Variants in ABI3BP observed in about 807,000 individuals in gnomAD.
The protein encoded by ABI3BP is target of Nesh-SH3.
A neutral mutation model predicts 268.6 loss-of-function variants in ABI3BP; 216 were observed. That is an observed-to-expected ratio of 0.80 (90% confidence interval 0.72 to 0.90). The LOEUF (loss-of-function observed/expected upper bound fraction) is 0.90. Ranked by LOEUF, ABI3BP falls within the 40% of genes least tolerant of loss-of-function variation. The pLI is 0.00. For missense variants in ABI3BP, 2,090 were observed against 2,182.4 expected, an observed-to-expected ratio of 0.96 and a Z score of 0.84; for synonymous variants, 730 against 730.0, an observed-to-expected ratio of 1.00 and a Z score of 0.00.
intron 1 of ABI3BP, among the ~76,000 whole-genome samples, chr3:100,958,559 ACTT>A (rs2077652975): frequency 6.6e-6 from 1 of 152,222 alleles, no homozygotes. Context: ...AAAACATTGA[ACTT>A]CTGGTTTCCA....
In ABI3BP at chr3:100,842,563, T is replaced by C. The variant is rs530719579; in HGVS notation, c.1724-524A>G. ...TGCCTCCTGTATTCACTAGTATCTA[T>C]CGCTGGTAAACAAATTGGTTCACAT... On this transcript the variant is annotated intron_variant, in intron 20 of 67. Coordinates refer to ENST00000471714, the MANE Select transcript of ABI3BP (RefSeq NM_001375547.2). 3.3e-5 allele frequency among the ~76,000 whole-genome samples: 5 copies of C among 152,338 alleles called. No homozygotes were observed. In the South Asian group the frequency reaches 1.0e-3, roughly 32 times the overall value.
chr3:100,947,856 G>GA (rs1431554104), intron 1 of ABI3BP, among the ~76,000 whole-genome samples: 3 of 152,136 alleles, frequency 2.0e-5, no homozygotes, highest in African/African-American at 4.8e-5. Context: ...ACACTAGAGG[G>GA]AAAATCAAAG....
intron 2 of ABI3BP, chr3:100,911,389 T>G (rs935380720): frequency 3.8e-6 from 1 of 263,270 alleles, no homozygotes. Context: ...TTAGATATTC[T>G]TCTCTCAGGC....
chr3:100,771,182 C>T (rs531493729), intron 61 of ABI3BP, among the ~76,000 whole-genome samples: 28 of 152,120 alleles, frequency 1.8e-4, no homozygotes, highest in Admixed American at 9.2e-4. Flanking sequence ...TGCTAATATC[C>T]GAAAGTAATT....
At chr3:100,856,478 T>A (rs546056291) in intron 14 of ABI3BP, among the ~76,000 whole-genome samples, 2 of 152,342 alleles carry the variant, frequency 1.3e-5, no homozygotes, top group East Asian at 3.9e-4. Context: ...ACAAGATAAC[T>A]GTATATGATT....
Position 100,993,328 on chromosome 3 carries a change from T to A in ABI3BP, c.57A>T (p.Gly19=). The change falls in exon 1 of 68, where the codon GGA becomes GGT. Residue 19 remains glycine (G), a synonymous_variant. Coordinates refer to ENST00000471714, the MANE Select transcript of ABI3BP (RefSeq NM_001375547.2). ...LLCGSITLAL[G]NAQKLPKGKR... ...TGCCTTTTGGCAATTTCTGTGCATT[T>A]CCCAGGGCTAGTGTAATACTTCCAC... 6.4e-7 allele frequency: 1 copy of A among 1,552,406 alleles called. No individual in the cohort carries two copies. Among genetic ancestry groups the A allele is most frequent in the Non-Finnish European group, 8.7e-7 (1 of 1,147,250 alleles).
chr3:100,919,825 C>T (rs2059712973), intron 2 of ABI3BP, among the ~76,000 whole-genome samples: 1 of 152,016 alleles, frequency 6.6e-6, no homozygotes, highest in South Asian at 2.1e-4. Flanking sequence ...CAGACTTTTC[C>T]AGGTATATAT....
In ABI3BP at chr3:100,838,416, G is replaced by C. The variant is rs2152892164; in HGVS notation, c.1994C>G (p.Pro665Arg). Reference sequence around the variant, plus strand: ...GTAATGATTACCAGGCTGAATTTGAGGTGCATCTGGTCTGTGTGTGGTTTT... The same window carrying C: ...GTAATGATTACCAGGCTGAATTTGACGTGCATCTGGTCTGTGTGTGGTTTT... ...RPKTTHRPDA[P>R]QIQPGSKPPK... Residue 665 changes from proline (P) to arginine (R), a missense_variant, in exon 25 of 68, where the codon CCT (proline) becomes CGT (arginine). Coordinates refer to ENST00000471714, the MANE Select transcript of ABI3BP (RefSeq NM_001375547.2). 1.3e-6 allele frequency: 2 copies of C among 1,535,730 alleles called. No homozygotes were observed.
chr3:100,789,553 A>C (rs1274288519), intron 55 of ABI3BP, 37 bp from the exon 56 acceptor site: 75 of 1,555,746 alleles, frequency 4.8e-5, no homozygotes, highest in Non-Finnish European at 6.5e-5. Flanking sequence ...AATAACCAAC[A>C]GACCAAAGCC....
chr3:100,795,244 T>C (rs1003892021), intron 53 of ABI3BP, among the ~76,000 whole-genome samples: 1 of 151,952 alleles, frequency 6.6e-6, no homozygotes, highest in African/African-American at 2.4e-5. Flanking sequence ...GAATGGCTGG[T>C]TGAGATGGGG....
intron 63 of ABI3BP, among the ~76,000 whole-genome samples, chr3:100,756,014 ATTGTG>A (rs1290393920): frequency 6.6e-6 from 1 of 152,246 alleles, no homozygotes; most frequent in Non-Finnish European, 1.5e-5. Context: ...TCACTGAGGT[ATTGTG>A]TTAACATTGC....
At chr3:100,911,847 C>T in intron 2 of ABI3BP, 1 of 1,599,922 alleles carries the variant, frequency 6.3e-7, no homozygotes, top group Non-Finnish European at 8.6e-7. Flanking sequence ...GTGAAGCAGC[C>T]TCTCTCTAAA....
chr3:100,947,625 A>G (rs2073090015), intron 1 of ABI3BP, among the ~76,000 whole-genome samples: 1 of 152,176 alleles, frequency 6.6e-6, no homozygotes, highest in Admixed American at 6.5e-5. Context: ...GACACTGCAA[A>G]TATGAATATA....
chr3:100,981,852 T>C (rs1479354435), intron 1 of ABI3BP, among the ~76,000 whole-genome samples: 3 of 152,070 alleles, frequency 2.0e-5, no homozygotes, highest in African/African-American at 7.3e-5. Context: ...CCAGAAAGGG[T>C]GTCTTTCTGC....
chr3:100,828,121 G>A (rs190388221), intron 34 of ABI3BP, among the ~76,000 whole-genome samples: 105 of 152,230 alleles, frequency 6.9e-4, no homozygotes, highest in Middle Eastern at 3.4e-3. Context: ...GCGTAGATCA[G>A]GTCAGAACCT....
intron 1 of ABI3BP, among the ~76,000 whole-genome samples, chr3:100,948,148 C>T (rs1381330236): frequency 1.3e-5 from 2 of 151,928 alleles, no homozygotes; most frequent in Non-Finnish European, 2.9e-5. Flanking sequence ...GGACAGAGGG[C>T]CCTGGTAGAA....
At chr3:100,846,814 C>G (rs1406889682) in intron 19 of ABI3BP, among the ~76,000 whole-genome samples, 1 of 151,846 alleles carries the variant, frequency 6.6e-6, no homozygotes, top group Non-Finnish European at 1.5e-5. Context: ...AGTCTGAGCA[C>G]TAGGGGGAAA....
At chr3:100,878,781 C>CCACCTGTGCTGTCTAGTTCT (rs1457446428) in intron 6 of ABI3BP, among the ~76,000 whole-genome samples, 3 of 143,696 alleles carry the variant, frequency 2.1e-5, no homozygotes, top group Non-Finnish European at 4.7e-5. Flanking sequence ...ACCAGCTTCT[C>CCACCTGTGCTGTCTAGTTCT]CACCTGTGCC....
intron 2 of ABI3BP, among the ~76,000 whole-genome samples, chr3:100,919,365 A>G (rs554737136): frequency 6.6e-6 from 1 of 152,310 alleles, no homozygotes; most frequent in South Asian, 2.1e-4. Context: ...AAACACTTTT[A>G]TGATAGAGAA....
Sources: allele counts gnomAD v4.1 joint callset (sites outside exome capture counted in the v4.1 genomes callset), GRCh38; gene constraint gnomAD v4.1.1; transcripts MANE v1.5; gene names NCBI Gene and HGNC (gene_info 2026-07-23, HGNC 2026-07-21).